AIF1L: variants seen among roughly 807,000 people sequenced by gnomAD.
AIF1L encodes allograft inflammatory factor 1-like.
A neutral mutation model predicts 20.7 loss-of-function variants in AIF1L; 12 were observed. The ratio of observed to expected loss-of-function variants is 0.58; its 90% CI spans 0.37 to 0.94. The LOEUF is 0.94. AIF1L is among the 40% of genes least tolerant of loss of function. The pLI is 0.01. For synonymous variants in AIF1L, 76 were observed against 65.1 expected, an observed-to-expected ratio of 1.17 and a Z score of -0.81; for missense variants, 173 against 185.3, an observed-to-expected ratio of 0.93 and a Z score of 0.39.
intron 2 of AIF1L, among the ~76,000 whole-genome samples, chr9:131,105,578 C>T (rs1364965423): frequency 6.6e-6 from 1 of 152,088 alleles, no homozygotes; most frequent in Non-Finnish European, 1.5e-5. Context: ...CTCCTGACCT[C>T]AGGTGATCCG....
chr9:131,096,620 C>G lies in AIF1L; in HGVS notation c.-10C>G, dbSNP rs1043348045. 10 of 1,484,240 alleles carry G rather than the reference C, an allele frequency of 6.7e-6. No homozygotes were observed. The highest frequency in any genetic ancestry group is 8.9e-6 in the Non-Finnish European group (10 of 1,125,692). The allele number at this position is 1,484,240 out of a possible 1,614,324, so 91.9% of individuals were successfully genotyped here. A position where few individuals can be genotyped will look rare whatever the true frequency, so the allele number is the denominator to read the frequency against. On this transcript the variant is annotated 5_prime_UTR_variant, in exon 1 of 6. Coordinates refer to ENST00000247291, the MANE Select transcript of AIF1L (RefSeq NM_031426.4). ...CGAAGCCTGGAGCCGGCGGGAGCCCCGCGCTCGCCATGTCGGGCGAGCTCA... is the reference window on the plus strand; with the variant it reads ...CGAAGCCTGGAGCCGGCGGGAGCCCGGCGCTCGCCATGTCGGGCGAGCTCA...
intron 2 of AIF1L, among the ~76,000 whole-genome samples, chr9:131,102,141 G>A (rs960336308): frequency 2.6e-5 from 4 of 152,046 alleles, no homozygotes; most frequent in Non-Finnish European, 5.9e-5. Context: ...TCGAACTCCT[G>A]ACCTCAAGTG....
At position 131,122,621 on chromosome 9, in the gene AIF1L, G is replaced by A. The variant is rs1831165187; in HGVS notation, c.*2299G>A. 6.6e-6 allele frequency: 1 copy of A among 152,154 alleles called. No individual in the cohort carries two copies. Among genetic ancestry groups the A allele is most frequent in the Admixed American group, 6.6e-5 (1 of 15,260 alleles). The allele number at this position is 152,154 out of a possible 1,614,324, so 9.4% of individuals were successfully genotyped here. ...CCCTGTTCCTCACTCAGAGAGGAAG[G>A]CAGAACCAGTCAGGCTTATTTCAGT... On this transcript the variant is annotated 3_prime_UTR_variant, in exon 6 of 6. Coordinates refer to ENST00000247291, the MANE Select transcript of AIF1L (RefSeq NM_031426.4).
chr9:131,102,787 A>T (rs1830665602), intron 2 of AIF1L: 3 of 413,478 alleles, frequency 7.3e-6, no homozygotes, highest in South Asian at 5.2e-5. Context: ...TGGCCCTTTA[A>T]GAGCCTGTGG....
At position 131,105,311 on chromosome 9, in the gene AIF1L, G is replaced by A. The variant is rs140217302; in HGVS notation, c.94-6286G>A. 1.4e-3 allele frequency among the ~76,000 whole-genome samples: 219 copies of A among 152,332 alleles called. 1 individual carries two copies. Among genetic ancestry groups the A allele is most frequent in the Middle Eastern group, 6.8e-3 (2 of 294 alleles). On this transcript the variant is annotated intron_variant, in intron 2 of 5. Transcript: ENST00000247291. ...AGTGAGGGCTGCCCACACATGAGGA[G>A]CTCAGCTGCCTCTCCCACCCTGGTC...
intron 2 of AIF1L, among the ~76,000 whole-genome samples, chr9:131,099,830 G>T (rs942530111): frequency 6.7e-6 from 1 of 150,110 alleles, no homozygotes; most frequent in African/African-American, 2.5e-5. Flanking sequence ...GGGTTCAAGC[G>T]ATTCTCCTGC....
chr9:131,116,021 T>C (rs1831004624), intron 4 of AIF1L, among the ~76,000 whole-genome samples: 2 of 149,544 alleles, frequency 1.3e-5, no homozygotes, highest in African/African-American at 4.9e-5. Context: ...CACATTTTCA[T>C]CATTAAAAAA....
At chr9:131,111,381 G>C (rs968452334) in intron 2 of AIF1L, 45 of 557,840 alleles carry the variant, frequency 8.1e-5, no homozygotes, top group African/African-American at 7.9e-4. Context: ...AACCCTCTGG[G>C]GCCTCCCCAA....
intron 2 of AIF1L, among the ~76,000 whole-genome samples, chr9:131,101,228 G>T (rs554234679): frequency 5.7e-4 from 87 of 152,294 alleles, no homozygotes; most frequent in Non-Finnish European, 1.1e-3. Context: ...GTAACGAGCT[G>T]TGGCTGTGCT....
At chr9:131,110,992 A>G (rs1318564132) in intron 2 of AIF1L, among the ~76,000 whole-genome samples, 4 of 150,148 alleles carry the variant, frequency 2.7e-5, no homozygotes, top group African/African-American at 9.8e-5. Flanking sequence ...CCTGGCCAAC[A>G]TGGTGAAACC....
At chr9:131,114,313 C>A (rs117641559) in intron 3 of AIF1L, 23,340 of 457,416 alleles carry the variant, frequency 0.051, 779 homozygotes, top group Middle Eastern at 0.075. Flanking sequence ...GAGAAAGCAG[C>A]TGCCCTCCTG....
chr9:131,111,678 G>C lies in AIF1L; in HGVS notation c.160+15G>C. On this transcript the variant is annotated intron_variant, in intron 3 of 5. Transcript: ENST00000247291. ...AGCCTTCAAAGGTAAGCTGGGGCGGGCTGCCCTGCATTTATTCCTGGGGGA... is the reference window on the plus strand; with the variant it reads ...AGCCTTCAAAGGTAAGCTGGGGCGGCCTGCCCTGCATTTATTCCTGGGGGA... The C allele has an allele frequency of 6.2e-7, 1 of 1,612,814 alleles. No individual in the cohort carries two copies. Among genetic ancestry groups the C allele is most frequent in the Non-Finnish European group, 8.5e-7 (1 of 1,179,140 alleles).
intron 2 of AIF1L, among the ~76,000 whole-genome samples, chr9:131,106,913 T>A (rs1414566520): frequency 6.6e-6 from 1 of 152,104 alleles, no homozygotes; most frequent in South Asian, 2.1e-4. Flanking sequence ...CTGCTCCATA[T>A]GGTGAAACCG....
chr9:131,099,283 G>C (rs928613634), intron 2 of AIF1L, among the ~76,000 whole-genome samples: 1 of 152,210 alleles, frequency 6.6e-6, no homozygotes, highest in African/African-American at 2.4e-5. Flanking sequence ...CCTGAAATGG[G>C]AGCAGGGATC....
At chr9:131,113,064 C>A (rs778734871) in intron 3 of AIF1L, among the ~76,000 whole-genome samples, 1 of 152,000 alleles carries the variant, frequency 6.6e-6, no homozygotes, top group Non-Finnish European at 1.5e-5. Context: ...TGTTCTCGCT[C>A]GGGGGGCGGT....
chr9:131,113,497 CAAAAAAA>C (rs3057292), intron 3 of AIF1L, among the ~76,000 whole-genome samples: 6 of 49,322 alleles, frequency 1.2e-4, no homozygotes, highest in African/African-American at 3.8e-4. Context: ...GACTCCATCT[CAAAAAAA>C]AAAAAAAAAA....
At chr9:131,100,801 G>T (rs1484972932) in intron 2 of AIF1L, among the ~76,000 whole-genome samples, 3 of 152,232 alleles carry the variant, frequency 2.0e-5, no homozygotes, top group Non-Finnish European at 4.4e-5. Flanking sequence ...GGCTGGGGGC[G>T]CTGCCCCTCA....
At position 131,122,559 on chromosome 9, in the gene AIF1L, G is replaced by A. The variant is rs1341185019; in HGVS notation, c.*2237G>A. The A allele has an allele frequency of 2.0e-5, 3 of 152,026 alleles. No homozygotes were observed. Among genetic ancestry groups the A allele is most frequent in the Non-Finnish European group, 4.4e-5 (3 of 68,038 alleles). The allele number at this position is 152,026 out of a possible 1,614,324, so 9.4% of individuals were successfully genotyped here. A position where few individuals can be genotyped will look rare whatever the true frequency, so the allele number is the denominator to read the frequency against. ...GGGACAGGCTGGGACCTTTGAGGAAGATAAAGCCTTCCTTCACTACCCATC... is the reference window on the plus strand; with the variant it reads ...GGGACAGGCTGGGACCTTTGAGGAAAATAAAGCCTTCCTTCACTACCCATC... On this transcript the variant is annotated 3_prime_UTR_variant, in exon 6 of 6. Coordinates refer to ENST00000247291, the MANE Select transcript of AIF1L (RefSeq NM_031426.4).
Position 131,111,950 on chromosome 9 carries a change from C to T in AIF1L, c.160+287C>T, listed in dbSNP as rs73658928. 2.0e-3 allele frequency: 913 copies of T among 460,672 alleles called. 5 individuals carry two copies. The highest frequency in any genetic ancestry group is 0.017 in the African/African-American group (841 of 50,800). The allele number at this position is 460,672 out of a possible 1,614,324, so 28.5% of individuals were successfully genotyped here. A position where few individuals can be genotyped will look rare whatever the true frequency, so the allele number is the denominator to read the frequency against. ...CTGCCCACGGGGCTCAGGCTGGTTC[C>T]CGTCCGCCGCTGCCCAGGCCCCGTC... On this transcript the variant is annotated intron_variant, in intron 3 of 5. Coordinates refer to ENST00000247291, the MANE Select transcript of AIF1L (RefSeq NM_031426.4).
Sources: gnomAD v4.1 joint callset for allele counts (sites outside exome capture counted in the v4.1 genomes callset) on GRCh38, gnomAD v4.1.1 for gene constraint, MANE v1.5 for transcripts, NCBI Gene and HGNC (gene_info 2026-07-23, HGNC 2026-07-21) for gene names.